SMIM36: variants seen among roughly 807,000 people sequenced by gnomAD.
SMIM36 encodes the protein small integral membrane protein 36.
At chr17:55,484,007 C>T (rs1909564543) in intron 1 of SMIM36, among the ~76,000 whole-genome samples, 1 of 152,030 alleles carries the variant, frequency 6.6e-6, no homozygotes, top group Non-Finnish European at 1.5e-5. Flanking sequence ...CTTTGTTTCT[C>T]CAGGGAACCC....
chr17:55,529,833 A>T, the SMIM36 span, among the ~76,000 whole-genome samples: 4 of 151,894 alleles, frequency 2.6e-5, no homozygotes. Context: ...ATTTTATATA[A>T]TACTGAAACC....
intron 4 of SMIM36, among the ~76,000 whole-genome samples, chr17:55,457,285 T>C (rs1258209504): frequency 6.6e-6 from 1 of 151,288 alleles, no homozygotes; most frequent in Non-Finnish European, 1.5e-5. Context: ...CCATCCCTAC[T>C]AAAAATACAA....
At chr17:55,487,214 T>G (rs1215822436) in intron 1 of SMIM36, among the ~76,000 whole-genome samples, 70 of 122,080 alleles carry the variant, frequency 5.7e-4, no homozygotes, top group African/African-American at 1.0e-3. Context: ...GGGTGGGGGG[T>G]AGGGGGAGGG....
intron 1 of SMIM36, among the ~76,000 whole-genome samples, chr17:55,509,521 T>C (rs1196973393): frequency 6.6e-6 from 1 of 152,212 alleles, no homozygotes; most frequent in Admixed American, 6.5e-5. Flanking sequence ...CACTCGTGTC[T>C]CTGTTGACTC....
At chr17:55,475,784 T>C (rs1183466789) in intron 3 of SMIM36, among the ~76,000 whole-genome samples, 1 of 152,174 alleles carries the variant, frequency 6.6e-6, no homozygotes, top group Non-Finnish European at 1.5e-5. Context: ...ATTTGGACCT[T>C]GTGTCTTCTG....
intron 1 of SMIM36, among the ~76,000 whole-genome samples, chr17:55,485,894 T>A (rs1055272109): frequency 2.6e-5 from 4 of 152,210 alleles, no homozygotes; most frequent in African/African-American, 9.7e-5. Flanking sequence ...ATCACTAGCA[T>A]CCATATATAT....
At chr17:55,495,614 C>T (rs536207411) in intron 1 of SMIM36, among the ~76,000 whole-genome samples, 5 of 147,330 alleles carry the variant, frequency 3.4e-5, no homozygotes, top group Non-Finnish European at 7.4e-5. Context: ...ATAGTGAGAA[C>T]CCTGTCTCTA....
At position 55,500,960 on chromosome 17, in the gene SMIM36, T is replaced by TTTATAATATATATTATAATATATTATATA. The variant is rs1400342715; in HGVS notation, c.*174+9890_*174+9918dup. Among the ~76,000 whole-genome samples the TTTATAATATATATTATAATATATTATATA allele has an allele frequency of 4.0e-4, 12 of 29,882 alleles. 1 individual carries two copies. Among genetic ancestry groups the TTTATAATATATATTATAATATATTATATA allele is most frequent in the African/African-American group, 1.8e-3 (10 of 5,644 alleles). 19.6% of individuals were successfully genotyped at this position (29,882 alleles called of 152,430 possible). Reference sequence around the variant, plus strand: ...TAATATATATTATAATATATTATATTTTATAATATATATTATAATATATTA... The same window carrying TTTATAATATATATTATAATATATTATATA: ...TAATATATATTATAATATATTATATTTTATAATATATATTATAATATATTATATATTATAATATATATTATAATATATTA... On this transcript the variant is annotated intron_variant, in intron 1 of 4. Coordinates refer to ENST00000636752, the Ensembl canonical transcript of SMIM36.
chr17:55,464,075 ACTGCACTC>A (rs1909192993), intron 4 of SMIM36, among the ~76,000 whole-genome samples: 1 of 152,168 alleles, frequency 6.6e-6, no homozygotes, highest in African/African-American at 2.4e-5. Flanking sequence ...AGATCACGCC[ACTGCACTC>A]CAGCCTGGGT....
At chr17:55,456,570 T>C (rs896841988) in intron 4 of SMIM36, among the ~76,000 whole-genome samples, 9 of 152,226 alleles carry the variant, frequency 5.9e-5, no homozygotes, top group Non-Finnish European at 1.2e-4. Context: ...AAGAAAGCCC[T>C]GAGCCCTAAT....
chr17:55,484,750 T>TG (rs1909576478), intron 1 of SMIM36, among the ~76,000 whole-genome samples: 1 of 152,234 alleles, frequency 6.6e-6, no homozygotes, highest in Non-Finnish European at 1.5e-5. Flanking sequence ...ATAATTGTAC[T>TG]GGGACAAAAG....
chr17:55,528,900 G>A, the SMIM36 span, among the ~76,000 whole-genome samples: 1 of 152,164 alleles, frequency 6.6e-6, no homozygotes, highest in African/African-American at 2.4e-5. Context: ...TTTCTGCTAA[G>A]ACAGTTGGAA....
At chr17:55,524,106 T>C in the SMIM36 span, among the ~76,000 whole-genome samples, 3,070 of 152,234 alleles carry the variant, frequency 0.02, 93 homozygotes, top group African/African-American at 0.07. Flanking sequence ...CTCCAGTGTC[T>C]GTTGTTCCCC....
At chr17:55,509,414 T>G (rs1910142717) in intron 1 of SMIM36, among the ~76,000 whole-genome samples, 2 of 152,228 alleles carry the variant, frequency 1.3e-5, no homozygotes, top group African/African-American at 4.8e-5. Context: ...TACTTATCTT[T>G]TAAGACAAAT....
the SMIM36 span, among the ~76,000 whole-genome samples, chr17:55,531,758 T>C: frequency 6.6e-6 from 1 of 152,208 alleles, no homozygotes; most frequent in African/African-American, 2.4e-5. Context: ...CATGGAGCTA[T>C]AGTAGACATA....
intron 3 of SMIM36, among the ~76,000 whole-genome samples, chr17:55,477,983 G>T (rs1909454013): frequency 6.6e-6 from 1 of 151,944 alleles, no homozygotes; most frequent in Admixed American, 6.6e-5. Flanking sequence ...TAAACAAAGG[G>T]AGATAAGGCT....
At chr17:55,492,378 G>T (rs1323379421) in intron 1 of SMIM36, among the ~76,000 whole-genome samples, 3 of 150,718 alleles carry the variant, frequency 2.0e-5, no homozygotes, top group Non-Finnish European at 4.4e-5. Flanking sequence ...GAGTAGCTGG[G>T]ACTACAGGCT....
intron 1 of SMIM36, among the ~76,000 whole-genome samples, chr17:55,497,154 G>A (rs1909823961): frequency 6.6e-6 from 1 of 152,142 alleles, no homozygotes; most frequent in Non-Finnish European, 1.5e-5. Flanking sequence ...GGAACAGAGA[G>A]ATTTTACCTC....
intron 4 of SMIM36, among the ~76,000 whole-genome samples, chr17:55,466,659 C>T (rs570261525): frequency 9.8e-5 from 15 of 152,288 alleles, no homozygotes; most frequent in Admixed American, 3.3e-4. Context: ...TGATCCACAA[C>T]GTTCCTGTTC....
Sources: gnomAD v4.1 joint callset for allele counts (sites outside exome capture counted in the v4.1 genomes callset) on GRCh38, gnomAD v4.1.1 for gene constraint, MANE v1.5 for transcripts, NCBI Gene and HGNC (gene_info 2026-07-23, HGNC 2026-07-21) for gene names.